The following TEX29 variants were observed in gnomAD, a reference collection of about 807,000 sequenced individuals.
TEX29 encodes testis-expressed protein 29.
TEX29 carries 26 observed loss-of-function variants against 18.2 expected under a neutral mutation model. The ratio of observed to expected loss-of-function variants is 1.43; its 90% CI spans 1.04 to 1.98. The LOEUF (loss-of-function observed/expected upper bound fraction) is 1.98. TEX29 is among the 30% of genes most tolerant of loss of function. TEX29 has a pLI of 0.00. For synonymous variants in TEX29, 83 were observed against 78.5 expected (o/e 1.06, Z -0.31); for missense variants, 177 against 194.2 (o/e 0.91, Z 0.53).
chr13:111,339,739 T>A, intron 3 of TEX29, 124 bp from the exon 4 acceptor site: 1 of 842,582 alleles, frequency 1.2e-6, no homozygotes, highest in Non-Finnish European at 2.0e-6. Flanking sequence ...GGGTGAGGAG[T>A]GCTGACCATG....
upstream of TEX29, among the ~76,000 whole-genome samples, chr13:111,320,028 CCCT>C (rs991973909): frequency 1.3e-5 from 2 of 152,364 alleles, no homozygotes; most frequent in African/African-American, 4.8e-5. Flanking sequence ...TCATGCCCTG[CCCT>C]CCTGCGGCAT....
intron 2 of TEX29, among the ~76,000 whole-genome samples, chr13:111,323,540 C>T (rs1350640172): frequency 2.6e-5 from 4 of 152,228 alleles, no homozygotes. Flanking sequence ...CTCTGAGTGG[C>T]TTGTATGAAA....
Position 111,342,950 on chromosome 13 carries a change from G to T in TEX29, c.415+19G>T. The T allele has an allele frequency of 6.2e-7, 1 of 1,611,928 alleles. No individual in the cohort carries two copies. Among genetic ancestry groups the T allele is most frequent in the South Asian group, 1.1e-5 (1 of 90,950 alleles). ...GATGATGGTGAGAAGCTTCTGGAAT[G>T]ATCCTCAGCCTAAGGTCAAGGGCGT... On this transcript the variant is annotated intron_variant, in intron 5 of 5. Transcript: ENST00000283547.
intron 2 of TEX29, among the ~76,000 whole-genome samples, chr13:111,324,564 C>A (rs528622082): frequency 5.8e-4 from 88 of 152,336 alleles, no homozygotes; most frequent in African/African-American, 2.0e-3. Flanking sequence ...CTGAGAGAGT[C>A]TCTGGGCTTG....
At chr13:111,323,452 A>G (rs1251686487) in intron 2 of TEX29, among the ~76,000 whole-genome samples, 1 of 151,898 alleles carries the variant, frequency 6.6e-6, no homozygotes, top group African/African-American at 2.4e-5. Flanking sequence ...ATTAATGTCA[A>G]TTCTCTCCCT....
intron 3 of TEX29, among the ~76,000 whole-genome samples, chr13:111,337,023 G>T (rs1446046571): frequency 6.6e-6 from 1 of 152,164 alleles, no homozygotes; most frequent in Non-Finnish European, 1.5e-5. Context: ...TTCATACTAA[G>T]GAATAAAACA....
At chr13:111,325,298 A>G (rs1049069637) in intron 2 of TEX29, among the ~76,000 whole-genome samples, 2 of 152,212 alleles carry the variant, frequency 1.3e-5, no homozygotes, top group African/African-American at 4.8e-5. Flanking sequence ...GAGCACAGGG[A>G]GAGAGCCAGG....
chr13:111,321,639 A>G (rs1191744705), intron 2 of TEX29, among the ~76,000 whole-genome samples: 2 of 151,342 alleles, frequency 1.3e-5, no homozygotes, highest in African/African-American at 4.9e-5. Flanking sequence ...AAAAAACCCA[A>G]GAAAATCGGA....
intron 2 of TEX29, among the ~76,000 whole-genome samples, chr13:111,324,553 C>T (rs1470993945): frequency 1.3e-5 from 2 of 152,174 alleles, no homozygotes; most frequent in Non-Finnish European, 2.9e-5. Context: ...CCGGCGCTGC[C>T]CTGAGAGAGT....
chr13:111,343,152 C>T (rs986293818), intron 5 of TEX29, among the ~76,000 whole-genome samples: 9 of 152,194 alleles, frequency 5.9e-5, no homozygotes, highest in African/African-American at 2.2e-4. Flanking sequence ...GAGTCTTGTC[C>T]TCCCCCTTCC....
intron 3 of TEX29, among the ~76,000 whole-genome samples, chr13:111,329,424 C>T (rs2093679319): frequency 6.6e-6 from 1 of 151,834 alleles, no homozygotes; most frequent in Admixed American, 6.6e-5. Flanking sequence ...CTTCCTTTTA[C>T]TTCTTTCTCC....
At chr13:111,329,210 C>G (rs1041278787) in intron 3 of TEX29, among the ~76,000 whole-genome samples, 4 of 152,092 alleles carry the variant, frequency 2.6e-5, no homozygotes, top group Non-Finnish European at 5.9e-5. Context: ...CGGAGGGGAG[C>G]AGCCTGCACA....
At chr13:111,337,817 C>G (rs2093691600) in intron 3 of TEX29, among the ~76,000 whole-genome samples, 1 of 152,182 alleles carries the variant, frequency 6.6e-6, no homozygotes. Context: ...TTCCTGTTAT[C>G]TGACAGCTTG....
At chr13:111,342,191 A>G (rs142754693) in intron 4 of TEX29, among the ~76,000 whole-genome samples, 1 of 152,310 alleles carries the variant, frequency 6.6e-6, no homozygotes, top group East Asian at 1.9e-4. Context: ...GTGTGCATAC[A>G]AGCCCCTGAG....
chr13:111,325,627 T>C (rs1377317771), intron 2 of TEX29, among the ~76,000 whole-genome samples: 1 of 151,986 alleles, frequency 6.6e-6, no homozygotes, highest in Non-Finnish European at 1.5e-5. Flanking sequence ...CGTGAGAGAC[T>C]TTTCAGGGTC....
intron 2 of TEX29, among the ~76,000 whole-genome samples, chr13:111,324,541 ACC>A (rs1452442712): frequency 6.6e-6 from 1 of 152,088 alleles, no homozygotes; most frequent in Non-Finnish European, 1.5e-5. Context: ...CACACTGAGG[ACC>A]CGGCGCTGCC....
At chr13:111,321,750 C>T (rs1402749991) in intron 2 of TEX29, among the ~76,000 whole-genome samples, 1 of 152,072 alleles carries the variant, frequency 6.6e-6, no homozygotes, top group African/African-American at 2.4e-5. Flanking sequence ...TGGCGAAACC[C>T]CATCTCTACT....
At chr13:111,324,711 C>T (rs1467111381) in intron 2 of TEX29, among the ~76,000 whole-genome samples, 1 of 152,188 alleles carries the variant, frequency 6.6e-6, no homozygotes, top group African/African-American at 2.4e-5. Context: ...CCACCTGGAT[C>T]ATCAGCCACG....
At chr13:111,338,416 A>T (rs1256984753) in intron 3 of TEX29, among the ~76,000 whole-genome samples, 1 of 152,174 alleles carries the variant, frequency 6.6e-6, no homozygotes, top group Non-Finnish European at 1.5e-5. Flanking sequence ...TTTGAAAAGA[A>T]CACGGCCCTG....
Sources: gnomAD v4.1 joint callset for allele counts (sites outside exome capture counted in the v4.1 genomes callset) on GRCh38, gnomAD v4.1.1 for gene constraint, MANE v1.5 for transcripts, NCBI Gene and HGNC (gene_info 2026-07-23, HGNC 2026-07-21) for gene names.